ECHDC1: variants seen among roughly 807,000 people sequenced by gnomAD.
ECHDC1 encodes ethylmalonyl-CoA decarboxylase.
A neutral mutation model predicts 29.7 loss-of-function variants in ECHDC1; 29 were observed. The observed-to-expected ratio is 0.98, with a 90% CI of 0.73 to 1.33. ECHDC1 has a LOEUF of 1.33. Among genes scored for constraint, ECHDC1 ranks in the 40% most tolerant of loss-of-function variants. The pLI is 0.00. For missense variants in ECHDC1, 328 were observed against 350.0 expected (o/e 0.94, Z 0.50); for synonymous variants, 126 against 123.1 (o/e 1.02, Z -0.15).
intron 5 of ECHDC1, among the ~76,000 whole-genome samples, chr6:127,310,550 T>A (rs117313363): frequency 6.6e-6 from 1 of 152,274 alleles, no homozygotes; most frequent in East Asian, 1.9e-4. Context: ...GTAACCAAAT[T>A]GCTACAATCT....
intron 1 of ECHDC1, among the ~76,000 whole-genome samples, chr6:127,335,321 A>G (rs1359027658): frequency 6.6e-6 from 1 of 152,224 alleles, no homozygotes; most frequent in East Asian, 1.9e-4. Flanking sequence ...AAGGTGGCTT[A>G]TAACTACAAT....
At chr6:127,294,952 ATT>A (rs796132032) in intron 5 of ECHDC1, among the ~76,000 whole-genome samples, 4 of 143,108 alleles carry the variant, frequency 2.8e-5, no homozygotes, top group Non-Finnish European at 4.6e-5. Context: ...TGAAGCCAGT[ATT>A]TTTTTTTTTT....
chr6:127,326,707 C>T, intron 3 of ECHDC1: 1 of 366,930 alleles, frequency 2.7e-6, no homozygotes, highest in East Asian at 5.8e-5. Context: ...AGAGAGAATC[C>T]CACCCTCCAA....
At chr6:127,331,784 C>T (rs1163496334) in intron 1 of ECHDC1, 1 of 968,716 alleles carries the variant, frequency 1.0e-6, no homozygotes, top group African/African-American at 1.8e-5. Context: ...GCTGCAAGAG[C>T]AATCCCACTC....
chr6:127,319,345 A>C (rs895041042), intron 3 of ECHDC1, among the ~76,000 whole-genome samples: 1 of 152,210 alleles, frequency 6.6e-6, no homozygotes, highest in Non-Finnish European at 1.5e-5. Context: ...GGGAGCTAGT[A>C]ATGATTAAGT....
intron 1 of ECHDC1, among the ~76,000 whole-genome samples, chr6:127,339,872 G>C (rs1784770010): frequency 6.6e-6 from 1 of 152,070 alleles, no homozygotes; most frequent in African/African-American, 2.4e-5. Context: ...CTACAAGTGA[G>C]GGTATCATAG....
intron 3 of ECHDC1, among the ~76,000 whole-genome samples, chr6:127,326,186 G>C (rs111791159): frequency 9.1e-4 from 139 of 152,192 alleles, no homozygotes; most frequent in African/African-American, 3.2e-3. Flanking sequence ...CTGGATCATC[G>C]GGGTGGATTT....
In ECHDC1 at chr6:127,290,309, ACT is replaced by A. The variant is rs770887258; in HGVS notation, c.498-34_498-33del. ...AAGAAAAAAGAAAAGCTTAATTGTA[ACT>A]CTCTCTGTATGCTCTAATCATAAAG... On this transcript the variant is annotated intron_variant, in intron 5 of 5. Coordinates refer to ENST00000454859, the MANE Select transcript of ECHDC1 (RefSeq NM_001002030.2). 4.0e-5 allele frequency: 64 copies of A among 1,585,838 alleles called. No homozygotes were observed. In the South Asian group the frequency reaches 4.6e-4, roughly 11 times the overall value.
intron 5 of ECHDC1, chr6:127,313,557 C>A (rs1216550909): frequency 4.4e-6 from 2 of 455,874 alleles, no homozygotes; most frequent in South Asian, 1.5e-5. Context: ...GCACTACATG[C>A]CAGCGCAGAA....
intron 4 of ECHDC1, 26 bp downstream of exon 4, chr6:127,316,424 A>T (rs756868752): frequency 6.3e-7 from 1 of 1,583,018 alleles, no homozygotes; most frequent in South Asian, 1.2e-5. Context: ...TTTAGAAATC[A>T]TATTTTAAAA....
At position 127,330,827 on chromosome 6, in the gene ECHDC1, T is replaced by C; in HGVS notation, c.202A>G (p.Arg68Gly). The C allele has an allele frequency of 2.5e-6, 4 of 1,613,872 alleles. No individual in the cohort carries two copies. In the South Asian group the frequency reaches 4.4e-5, roughly 18 times the overall value. ...IGILTLNNPS[R>G]MNAFSGVMML... The stretch of plus-strand genomic sequence containing the variant: ...CTAATACCTGAAAAGGCATTCATTC[T>C]ACTTGGATTGTTCAGAGTAAGAATG... Residue 68 changes from arginine to glycine, a missense_variant, in exon 2 of 6, where the codon AGA becomes GGA. Transcript: ENST00000454859.
chr6:127,313,672 T>G (rs1324932702), intron 5 of ECHDC1: 3 of 435,130 alleles, frequency 6.9e-6, no homozygotes, highest in Non-Finnish European at 1.4e-5. Flanking sequence ...GTATAATGAA[T>G]TTTTAAAAAA....
At chr6:127,316,037 T>G in intron 4 of ECHDC1, 1 of 470,882 alleles carries the variant, frequency 2.1e-6, no homozygotes, top group Non-Finnish European at 4.4e-6. Flanking sequence ...CCATAGTTCT[T>G]TTTCTCATCT....
At chr6:127,309,093 C>G (rs921955254) in intron 5 of ECHDC1, among the ~76,000 whole-genome samples, 2 of 151,738 alleles carry the variant, frequency 1.3e-5, no homozygotes, top group Non-Finnish European at 2.9e-5. Flanking sequence ...TCACATAAAT[C>G]GAAAAAAAGA....
At chr6:127,337,435 C>G (rs746911985) in intron 1 of ECHDC1, among the ~76,000 whole-genome samples, 2 of 152,194 alleles carry the variant, frequency 1.3e-5, no homozygotes, top group Non-Finnish European at 2.9e-5. Context: ...GGTCTTTAGA[C>G]AAACTCAACC....
intron 1 of ECHDC1, among the ~76,000 whole-genome samples, chr6:127,340,542 C>T (rs1376738682): frequency 6.6e-6 from 1 of 152,182 alleles, no homozygotes; most frequent in African/African-American, 2.4e-5. Context: ...AGCTAATAAA[C>T]CTGGGAGGCC....
intron 2 of ECHDC1, among the ~76,000 whole-genome samples, chr6:127,329,646 G>C (rs1000510752): frequency 6.6e-6 from 1 of 151,962 alleles, no homozygotes; most frequent in South Asian, 2.1e-4. Context: ...AGATTTCAGA[G>C]ACTTAGTATG....
intron 5 of ECHDC1, among the ~76,000 whole-genome samples, chr6:127,299,293 A>G (rs925492644): frequency 6.6e-6 from 1 of 152,126 alleles, no homozygotes. Context: ...AGGAGATCAC[A>G]GCTCCATGCA....
At chr6:127,325,958 C>A (rs1210025382) in intron 3 of ECHDC1, among the ~76,000 whole-genome samples, 1 of 152,138 alleles carries the variant, frequency 6.6e-6, no homozygotes, top group Non-Finnish European at 1.5e-5. Context: ...CCATCTCAGC[C>A]TACCAAAGCA....
Sources: gnomAD v4.1 joint callset for allele counts (sites outside exome capture counted in the v4.1 genomes callset) on GRCh38, gnomAD v4.1.1 for gene constraint, MANE v1.5 for transcripts, NCBI Gene and HGNC (gene_info 2026-07-23, HGNC 2026-07-21) for gene names.